Variants in ATIC observed in about 807,000 individuals in gnomAD.
ATIC encodes the protein 5-aminoimidazole-4-carboxamide ribonucleotide formyltransferase/IMP cyclohydrolase, also known as bifunctional purine biosynthesis protein ATIC.
A neutral mutation model predicts 72.5 loss-of-function variants in ATIC; 64 were observed. The ratio of observed to expected loss-of-function variants is 0.88; its 90% CI spans 0.72 to 1.09. The LOEUF (loss-of-function observed/expected upper bound fraction) is 1.09, where lower values mean the gene tolerates loss of function less well. Ranked by LOEUF, ATIC falls within the 50% of genes least tolerant of loss-of-function variation. The pLI is 0.00. For synonymous variants in ATIC, 281 were observed against 267.1 expected (o/e 1.05, Z -0.51); for missense variants, 787 against 732.4 (o/e 1.07, Z -0.86).
intron 7 of ATIC, among the ~76,000 whole-genome samples, chr2:215,331,786 T>C (rs1277042477): frequency 6.6e-6 from 1 of 152,194 alleles, no homozygotes; most frequent in African/African-American, 2.4e-5. Context: ...CTGCCAGTGT[T>C]GAGAAACTAG....
At chr2:215,368,364 T>C in the ATIC span, among the ~76,000 whole-genome samples, 2 of 152,212 alleles carry the variant, frequency 1.3e-5, no homozygotes, top group Admixed American at 6.5e-5. Context: ...CAAAGACTAA[T>C]GATGCCTCTC....
Position 215,334,340 on chromosome 2 carries a change from C to G in ATIC, c.923-579C>G, listed in dbSNP as rs1040372595. On this transcript the variant is annotated intron_variant, in intron 9 of 15. Coordinates refer to ENST00000236959, the MANE Select transcript of ATIC (RefSeq NM_004044.7). The stretch of plus-strand genomic sequence containing the variant: ...TCCTGAGTAGCTGGGATTACAGGTG[C>G]GTGCCACCACACCTGGCTAATTTTT... Among the ~76,000 whole-genome samples the G allele has an allele frequency of 5.9e-5, 9 of 151,476 alleles. No individual in the cohort carries two copies. In the East Asian group the frequency reaches 1.8e-3, roughly 30 times the overall value.
intron 4 of ATIC, among the ~76,000 whole-genome samples, chr2:215,321,456 T>C (rs2052766076): frequency 6.6e-6 from 1 of 152,230 alleles, no homozygotes; most frequent in African/African-American, 2.4e-5. Flanking sequence ...TGTATAAGTT[T>C]TTGTGTGGAC....
At position 215,346,832 on chromosome 2, in the gene ATIC, G is replaced by A. The variant is rs1359432445; in HGVS notation, c.1394G>A (p.Trp465Ter). ...CTTGCAGGAGATAAGGCAAACTATT[G>A]GTGGCTTAGACACCATCCACAAGTG... The part of the protein sequence containing the change: ...TRLAGDKANY[W>*]WLRHHPQVLS... The change falls in exon 14 of 16, where the codon TGG becomes TAG. Residue 465 changes from tryptophan (W) to a stop codon, truncating the protein, a stop_gained. Transcript: ENST00000236959. LOFTEE classifies it high-confidence loss of function. 10 of 1,614,016 alleles carry A rather than the reference G, an allele frequency of 6.2e-6. No homozygotes were observed. Among genetic ancestry groups the A allele is most frequent in the African/African-American group, 1.3e-5 (1 of 74,902 alleles).
intron 15 of ATIC, 62 bp from the exon 16 acceptor site, chr2:215,349,474 A>AT: frequency 6.2e-7 from 1 of 1,611,762 alleles, no homozygotes; most frequent in South Asian, 1.1e-5. Context: ...TTAGAGGGGG[A>AT]TTTTGAGTTT....
intron 14 of ATIC, chr2:215,348,800 A>G (rs1278090158): frequency 6.4e-6 from 2 of 314,956 alleles, no homozygotes; most frequent in Admixed American, 4.9e-5. Flanking sequence ...GTCTCCAAAA[A>G]TACAAAAATT....
intron 15 of ATIC, 136 bp from the exon 16 acceptor site, chr2:215,349,400 A>G: frequency 6.3e-7 from 1 of 1,574,996 alleles, no homozygotes; most frequent in Non-Finnish European, 8.7e-7. Context: ...GGGTGGATGG[A>G]GAACCCAAAT....
At chr2:215,326,678 G>T in intron 6 of ATIC, 144 bp from the exon 7 acceptor site, 1 of 965,368 alleles carries the variant, frequency 1.0e-6, no homozygotes, top group Non-Finnish European at 1.7e-6. Flanking sequence ...GTGCTTTGCT[G>T]TCATTCATGG....
chr2:215,313,730 T>A (rs535632180), intron 2 of ATIC, among the ~76,000 whole-genome samples: 5 of 152,310 alleles, frequency 3.3e-5, no homozygotes, highest in African/African-American at 1.2e-4. Context: ...ACAGCTTCCC[T>A]AAGTTTAACA....
At chr2:215,353,813 C>T (rs568714073), downstream of ATIC, among the ~76,000 whole-genome samples, 39 of 152,196 alleles carry the variant, frequency 2.6e-4, no homozygotes, top group South Asian at 6.9e-3. Flanking sequence ...CTGCCCGCCT[C>T]GGCCTTCCAA....
At chr2:215,319,797 T>G in intron 4 of ATIC, 66 bp downstream of exon 4, 2 of 1,287,546 alleles carry the variant, frequency 1.6e-6, no homozygotes, top group Non-Finnish European at 2.3e-6. Context: ...CCAAACCTGG[T>G]GTCCCTGTGT....
At chr2:215,346,145 A>T (rs536366043) in intron 13 of ATIC, among the ~76,000 whole-genome samples, 4 of 146,098 alleles carry the variant, frequency 2.7e-5, no homozygotes, top group Admixed American at 1.4e-4. Flanking sequence ...TTTTGTGGTC[A>T]TTAGTTTTAT....
chr2:215,366,412 G>A, the ATIC span, among the ~76,000 whole-genome samples: 2 of 152,052 alleles, frequency 1.3e-5, no homozygotes, highest in African/African-American at 2.4e-5. Context: ...ATCTCTACAC[G>A]CCACCACCTG....
intron 13 of ATIC, chr2:215,345,083 T>G: frequency 1.6e-6 from 1 of 614,362 alleles, no homozygotes; most frequent in East Asian, 2.9e-5. Context: ...TCAAAGTAGT[T>G]GTGCTGCTTC....
At chr2:215,329,814 G>A (rs759890906) in intron 7 of ATIC, among the ~76,000 whole-genome samples, 2 of 152,104 alleles carry the variant, frequency 1.3e-5, no homozygotes, top group Non-Finnish European at 2.9e-5. Flanking sequence ...CCAGGCTGGA[G>A]TGCAGTGGCA....
At chr2:215,365,777 C>T in the ATIC span, 1 of 460,818 alleles carries the variant, frequency 2.2e-6, no homozygotes, top group African/African-American at 2.1e-5. Context: ...TATAATGGGC[C>T]ATTTATTTTA....
intron 7 of ATIC, among the ~76,000 whole-genome samples, chr2:215,331,193 A>T (rs1216735795): frequency 6.6e-6 from 1 of 152,170 alleles, no homozygotes; most frequent in East Asian, 1.9e-4. Flanking sequence ...TTGCCTCCCC[A>T]GTAAGCTCCA....
the ATIC span, among the ~76,000 whole-genome samples, chr2:215,355,922 G>T: frequency 6.6e-6 from 1 of 152,186 alleles, no homozygotes; most frequent in Non-Finnish European, 1.5e-5. Flanking sequence ...CCCTCTTGGA[G>T]TTTGATTCTT....
At chr2:215,330,491 A>T (rs746405862) in intron 7 of ATIC, among the ~76,000 whole-genome samples, 1 of 152,118 alleles carries the variant, frequency 6.6e-6, no homozygotes, top group African/African-American at 2.4e-5. Flanking sequence ...ACAACTGATG[A>T]ACCGATTTTG....
Sources: allele counts gnomAD v4.1 joint callset (sites outside exome capture counted in the v4.1 genomes callset), GRCh38; gene constraint gnomAD v4.1.1; transcripts MANE v1.5; gene names NCBI Gene and HGNC (gene_info 2026-07-23, HGNC 2026-07-21).